Variants in PCDH11X observed in about 807,000 individuals in gnomAD.
The protein encoded by PCDH11X is protocadherin 11 X-linked.
A neutral mutation model predicts 53.3 loss-of-function variants in PCDH11X; 18 were observed. The ratio of observed to expected loss-of-function variants is 0.34; its 90% CI spans 0.23 to 0.50. The LOEUF (loss-of-function observed/expected upper bound fraction) is 0.50, where lower values mean the gene tolerates loss of function less well. Among genes scored for constraint, PCDH11X ranks in the 20% least tolerant of loss-of-function variants. The probability of loss-of-function intolerance (pLI) is 0.98; values close to 1 mark genes in which losing one functional copy is unlikely to be tolerated. For synonymous variants in PCDH11X, 279 were observed against 393.3 expected (o/e 0.71, Z 3.44); for missense variants, 570 against 1,032.4 (o/e 0.55, Z 6.14).
At chrX:92,156,646 G>A (rs763146720) in intron 6 of PCDH11X, among the ~76,000 whole-genome samples, 154 of 111,987 alleles carry the variant, frequency 1.4e-3, no homozygotes, top group African/African-American at 4.7e-3. Context: ...CCTAGAATAG[G>A]CACTCAATAA....
intron 7 of PCDH11X, among the ~76,000 whole-genome samples, chrX:92,220,749 G>C (rs776090765): frequency 3.4e-4 from 36 of 107,368 alleles, no homozygotes; most frequent in African/African-American, 6.4e-4. Context: ...CACATGCACA[G>C]GTATGTTTAT....
chrX:92,241,953 T>A (rs1280836351), intron 7 of PCDH11X, among the ~76,000 whole-genome samples: 1 of 110,697 alleles, frequency 9.0e-6, no homozygotes, highest in Non-Finnish European at 1.9e-5. Flanking sequence ...TGTATGTTCA[T>A]GTATCCACCA....
At chrX:91,908,816 A>G (rs1437042845) in intron 6 of PCDH11X, among the ~76,000 whole-genome samples, 2 of 108,095 alleles carry the variant, frequency 1.9e-5, no homozygotes, top group Admixed American at 1.0e-4. Context: ...AAAAAAAAAA[A>G]AAATGTCAAA....
chrX:92,393,194 A>G (rs986854395), intron 9 of PCDH11X, among the ~76,000 whole-genome samples: 1 of 110,778 alleles, frequency 9.0e-6, no homozygotes, highest in Non-Finnish European at 1.9e-5. Flanking sequence ...TCCACTTAAC[A>G]AAAAGAAATT....
At chrX:92,596,270 C>A (rs1014513428) in intron 10 of PCDH11X, among the ~76,000 whole-genome samples, 2 of 111,768 alleles carry the variant, frequency 1.8e-5, no homozygotes, top group African/African-American at 6.5e-5. Context: ...GACCAACCTC[C>A]CCCAATTGTA....
intron 1 of PCDH11X, among the ~76,000 whole-genome samples, chrX:91,807,479 G>GGA (rs375018462): frequency 8.3e-5 from 9 of 108,794 alleles, no homozygotes; most frequent in Admixed American, 2.0e-4. Flanking sequence ...TCTGTGAGGG[G>GGA]GAGAGAGAGA....
chrX:92,164,704 A>G (rs1348665936), intron 6 of PCDH11X, among the ~76,000 whole-genome samples: 3 of 108,115 alleles, frequency 2.8e-5, no homozygotes, highest in Non-Finnish European at 5.7e-5. Flanking sequence ...ATATATTATC[A>G]TGATATGGTT....
intron 8 of PCDH11X, among the ~76,000 whole-genome samples, chrX:92,383,324 T>G (rs61083980): frequency 0.05 from 3,699 of 74,100 alleles, 138 homozygotes; most frequent in East Asian, 0.24. Flanking sequence ...GATAAATGTT[T>G]TTTTTTTTTT....
In PCDH11X at chrX:91,985,468, G is replaced by C. The variant is rs763671197; in HGVS notation, c.3033+106195G>C. On this transcript the variant is annotated intron_variant, in intron 6 of 10. Transcript: ENST00000682573. ...TGCAGTGAGCCGCGATCGTGCCACT[G>C]CACTCCAGCCTGGGTGACAGAGTGA... is the stretch of plus-strand genomic sequence containing the variant. Among the ~76,000 whole-genome samples, 3 of 112,382 alleles carry C rather than the reference G, an allele frequency of 2.7e-5. No homozygotes were observed. The South Asian group carries it at 1.1e-3, about 41-fold the overall frequency.
At chrX:92,560,281 C>T (rs1296784472) in intron 10 of PCDH11X, among the ~76,000 whole-genome samples, 19 of 110,740 alleles carry the variant, frequency 1.7e-4, no homozygotes, top group Admixed American at 1.6e-3. Context: ...CTAAAGAAAC[C>T]TTGGGCTCTG....
chrX:92,563,049 T>G (rs2750528), intron 10 of PCDH11X, among the ~76,000 whole-genome samples: 2 of 7,423 alleles, frequency 2.7e-4, no homozygotes, highest in African/African-American at 3.6e-3. Context: ...TTGGTACCGT[T>G]TTTTTTTTTT....
intron 8 of PCDH11X, among the ~76,000 whole-genome samples, chrX:92,345,068 C>T (rs2069858169): frequency 9.0e-6 from 1 of 110,565 alleles, no homozygotes; most frequent in Non-Finnish European, 1.9e-5. Context: ...TCAGAGATTT[C>T]CAAATGTTTA....
intron 10 of PCDH11X, among the ~76,000 whole-genome samples, chrX:92,588,726 A>G (rs1423198118): frequency 1.8e-5 from 2 of 110,018 alleles, no homozygotes; most frequent in East Asian, 5.7e-4. Context: ...AGAGAAAATG[A>G]TGAGGGTAGA....
intron 6 of PCDH11X, among the ~76,000 whole-genome samples, chrX:91,908,309 C>T (rs1224216821): frequency 1.8e-5 from 2 of 111,329 alleles, no homozygotes; most frequent in Non-Finnish European, 3.8e-5. Flanking sequence ...CTATAAGCCT[C>T]TATAAGGAAC....
intron 9 of PCDH11X, among the ~76,000 whole-genome samples, chrX:92,422,134 C>CTTTTTT (rs67131959): frequency 2.3e-5 from 2 of 86,312 alleles, no homozygotes; most frequent in African/African-American, 4.3e-5. Flanking sequence ...AATTTCTTTT[C>CTTTTTT]TTTTTTTTTT....
intron 8 of PCDH11X, among the ~76,000 whole-genome samples, chrX:92,384,885 G>T (rs2070978602): frequency 1.0e-5 from 1 of 98,258 alleles, no homozygotes; most frequent in African/African-American, 3.7e-5. Context: ...TAGTCCCCAG[G>T]CAAGAAAGAG....
intron 5 of PCDH11X, among the ~76,000 whole-genome samples, chrX:91,845,508 C>T (rs1223695524): frequency 1.8e-5 from 2 of 108,849 alleles, no homozygotes; most frequent in Non-Finnish European, 3.8e-5. Flanking sequence ...AATGTTTAAT[C>T]CTTTGGAAAC....
intron 6 of PCDH11X, among the ~76,000 whole-genome samples, chrX:92,136,235 T>A (rs1462210289): frequency 9.1e-6 from 1 of 110,324 alleles, no homozygotes; most frequent in South Asian, 3.9e-4. Context: ...ATGTGGCTAT[T>A]TGGGGGAAGC....
At chrX:92,154,335 T>C (rs1356000634) in intron 6 of PCDH11X, among the ~76,000 whole-genome samples, 2 of 110,771 alleles carry the variant, frequency 1.8e-5, no homozygotes, top group African/African-American at 6.8e-5. Flanking sequence ...ATCACTTTGG[T>C]ACATGACACA....
Sources: gnomAD v4.1 joint callset for allele counts (sites outside exome capture counted in the v4.1 genomes callset) on GRCh38, gnomAD v4.1.1 for gene constraint, MANE v1.5 for transcripts, NCBI Gene and HGNC (gene_info 2026-07-23, HGNC 2026-07-21) for gene names.